Variants in TMEM132B observed in about 807,000 individuals in gnomAD.
TMEM132B encodes transmembrane protein 132B.
Under a neutral mutation model 90.8 loss-of-function variants are expected in TMEM132B, and 18 were observed. The observed-to-expected ratio is 0.20, with a 90% CI of 0.14 to 0.29. The LOEUF is 0.29. Ranked by LOEUF, TMEM132B falls within the 10% of genes least tolerant of loss-of-function variation. The pLI is 1.00. For synonymous variants in TMEM132B, 504 were observed against 523.3 expected, an observed-to-expected ratio of 0.96 and a Z score of 0.50; for missense variants, 1,096 against 1,326.8, an observed-to-expected ratio of 0.83 and a Z score of 2.70.
chr12:125,350,566 G>A (rs1877536104), intron 2 of TMEM132B, among the ~76,000 whole-genome samples: 1 of 152,220 alleles, frequency 6.6e-6, no homozygotes, highest in African/African-American at 2.4e-5. Flanking sequence ...AAGGGAGAAT[G>A]AGGGATGGGG....
chr12:125,317,530 G>A (rs1470086803), intron 1 of TMEM132B, among the ~76,000 whole-genome samples: 2 of 151,996 alleles, frequency 1.3e-5, no homozygotes, highest in Non-Finnish European at 2.9e-5. Context: ...TTTGGTTTTG[G>A]CGAGGGGTCC....
At chr12:125,523,233 A>G (rs1331241830) in intron 4 of TMEM132B, among the ~76,000 whole-genome samples, 2 of 152,190 alleles carry the variant, frequency 1.3e-5, no homozygotes, top group Non-Finnish European at 2.9e-5. Context: ...TCTGGAGGTC[A>G]GAAGTCTTAA....
intron 2 of TMEM132B, among the ~76,000 whole-genome samples, chr12:125,389,211 G>A (rs1043314113): frequency 5.9e-5 from 9 of 152,070 alleles, no homozygotes; most frequent in Non-Finnish European, 1.0e-4. Context: ...TAATTTCAGG[G>A]AGTACTAAGT....
At chr12:125,316,398 T>C (rs1378515635) in intron 1 of TMEM132B, among the ~76,000 whole-genome samples, 2 of 152,360 alleles carry the variant, frequency 1.3e-5, no homozygotes, top group African/African-American at 4.8e-5. Flanking sequence ...GCACTCTTTC[T>C]CTTTCTCTAT....
At chr12:125,193,716 C>G (rs575887924) in intron 1 of TMEM132B, among the ~76,000 whole-genome samples, 2 of 152,330 alleles carry the variant, frequency 1.3e-5, no homozygotes, top group African/African-American at 2.4e-5. Flanking sequence ...AAATGGCAAC[C>G]AGCTCATTCA....
At chr12:125,619,510 G>A (rs1886070770) in intron 5 of TMEM132B, among the ~76,000 whole-genome samples, 1 of 152,080 alleles carries the variant, frequency 6.6e-6, no homozygotes, top group Admixed American at 6.6e-5. Context: ...GATTACAGGT[G>A]TGTGCCACCA....
At chr12:125,236,098 G>C (rs1213656953) in intron 1 of TMEM132B, among the ~76,000 whole-genome samples, 2 of 151,298 alleles carry the variant, frequency 1.3e-5, no homozygotes, top group Admixed American at 6.6e-5. Context: ...CCACTGTGCC[G>C]GACCAGCACT....
rs138056414 is a variant in TMEM132B, at chr12:125,299,878, T to C, written c.68-49574T>C. ...CCCTGCTGTCTGTCCACACAGAGCT[T>C]GTGGGGTTCTGTAAGTTGTCAATCA... On this transcript the variant is annotated intron_variant, in intron 1 of 8. Transcript: ENST00000682704. Among the ~76,000 whole-genome samples the C allele has an allele frequency of 1.2e-3, 185 of 152,332 alleles. 1 individual carries two copies. The highest frequency in any genetic ancestry group is 4.3e-3 in the African/African-American group (177 of 41,568).
chr12:125,651,565 A>G (rs1886921633), intron 7 of TMEM132B, among the ~76,000 whole-genome samples: 1 of 152,252 alleles, frequency 6.6e-6, no homozygotes. Flanking sequence ...ATTTTTGGCA[A>G]AGCTGGATGA....
At chr12:125,431,016 C>T (rs1880485783) in intron 3 of TMEM132B, among the ~76,000 whole-genome samples, 1 of 152,008 alleles carries the variant, frequency 6.6e-6, no homozygotes, top group Non-Finnish European at 1.5e-5. Flanking sequence ...AGGGGTTGAG[C>T]TGGCATGGAG....
At chr12:125,451,875 T>TA (rs2136451225) in intron 3 of TMEM132B, among the ~76,000 whole-genome samples, 1 of 152,380 alleles carries the variant, frequency 6.6e-6, no homozygotes, top group Admixed American at 6.5e-5. Flanking sequence ...CAGATCACTT[T>TA]AATTCATGTT....
intron 4 of TMEM132B, among the ~76,000 whole-genome samples, chr12:125,583,562 C>T (rs995963042): frequency 4.6e-5 from 7 of 151,960 alleles, no homozygotes; most frequent in South Asian, 4.2e-4. Flanking sequence ...GGACTGAGGG[C>T]GGCGGGGATG....
chr12:125,226,447 C>A (rs1308902229), intron 1 of TMEM132B, among the ~76,000 whole-genome samples: 1 of 152,226 alleles, frequency 6.6e-6, no homozygotes, highest in East Asian at 1.9e-4. Flanking sequence ...CTTCACACAG[C>A]AATCCTTCTG....
intron 3 of TMEM132B, among the ~76,000 whole-genome samples, chr12:125,438,772 C>A (rs3963551): frequency 0.55 from 83,231 of 151,734 alleles, 24,307 homozygotes; most frequent in African/African-American, 0.77. Flanking sequence ...TTCCACAGGC[C>A]GTGTTTTTTG....
intron 4 of TMEM132B, among the ~76,000 whole-genome samples, chr12:125,549,704 T>C (rs1339969722): frequency 6.6e-6 from 1 of 152,248 alleles, no homozygotes; most frequent in Non-Finnish European, 1.5e-5. Context: ...ACTTCTGTTT[T>C]CATTTCCTCC....
At chr12:125,329,216 G>T (rs1317359349) in intron 1 of TMEM132B, among the ~76,000 whole-genome samples, 1 of 152,184 alleles carries the variant, frequency 6.6e-6, no homozygotes, top group Non-Finnish European at 1.5e-5. Flanking sequence ...AAGGAAGAAG[G>T]CATGCACCAG....
intron 4 of TMEM132B, among the ~76,000 whole-genome samples, chr12:125,543,067 A>G (rs1045425110): frequency 1.3e-5 from 2 of 152,176 alleles, no homozygotes; most frequent in Non-Finnish European, 2.9e-5. Context: ...AGAAAGTCTA[A>G]CAGTCCAGGG....
intron 2 of TMEM132B, among the ~76,000 whole-genome samples, chr12:125,352,782 T>G: frequency 6.6e-6 from 1 of 152,248 alleles, no homozygotes; most frequent in Admixed American, 6.5e-5. Flanking sequence ...TGACTGAGGC[T>G]GATCATGCCT....
chr12:125,546,507 T>A (rs1291936561), intron 4 of TMEM132B, among the ~76,000 whole-genome samples: 1 of 152,202 alleles, frequency 6.6e-6, no homozygotes, highest in East Asian at 1.9e-4. Context: ...CTGATGCTAT[T>A]GTTTTGCCTT....
Sources: gnomAD v4.1 joint callset for allele counts (sites outside exome capture counted in the v4.1 genomes callset) on GRCh38, gnomAD v4.1.1 for gene constraint, MANE v1.5 for transcripts, NCBI Gene and HGNC (gene_info 2026-07-23, HGNC 2026-07-21) for gene names.